Variants in SAMM50 observed in about 807,000 individuals in gnomAD.
SAMM50 encodes the protein sorting and assembly machinery component 50 homolog.
In SAMM50, 47 loss-of-function variants were observed where a neutral mutation model predicts 66.9. That is an observed-to-expected ratio of 0.70 (90% CI 0.56 to 0.90). The LOEUF (loss-of-function observed/expected upper bound fraction) is 0.90. SAMM50 is among the 40% of genes least tolerant of loss of function. The probability of loss-of-function intolerance (pLI) is 0.00; values close to 1 mark genes in which losing one functional copy is unlikely to be tolerated. For missense variants in SAMM50, 535 were observed against 595.3 expected (o/e 0.90, Z 1.05); for synonymous variants, 191 against 214.1 (o/e 0.89, Z 0.94).
At position 43,964,458 on chromosome 22, in the gene SAMM50, G is replaced by T; in HGVS notation, c.139G>T (p.Val47Phe). The T allele has an allele frequency of 6.3e-7, 1 of 1,593,582 alleles. No homozygotes were observed. Among genetic ancestry groups the T allele is most frequent in the South Asian group, 1.1e-5 (1 of 90,610 alleles). The change falls in exon 3 of 15, where the codon GTT becomes TTT. Residue 47 changes from valine (V) to phenylalanine (F), a missense_variant. Val to Phe is a conservative substitution (Grantham distance 50, BLOSUM62 -1). Transcript: ENST00000350028. The stretch of plus-strand genomic sequence containing the variant: ...GTCCCTGTGTGACTTTTAGGTGGTT[G>T]TTCAACATGTTCATTTTGATGGACT... ...QEILENKDVV[V>F]QHVHFDGLGR...
Position 43,963,904 on chromosome 22 carries a change from T to G in SAMM50, c.132+508T>G, listed in dbSNP as rs143813367. On this transcript the variant is annotated intron_variant, in intron 2 of 14. Transcript: ENST00000350028. ...GATGCATACAGTTTTGTTTTGTTTT[T>G]TTTATTTTTAAAATTTTTTTTGAGA... Among the ~76,000 whole-genome samples the G allele has an allele frequency of 5.4e-4, 82 of 151,998 alleles. No homozygotes were observed. In the East Asian group the frequency reaches 0.015, roughly 28 times the overall value.
intron 12 of SAMM50, among the ~76,000 whole-genome samples, chr22:43,985,698 A>G (rs2050288690): frequency 6.6e-6 from 1 of 151,948 alleles, no homozygotes; most frequent in African/African-American, 2.4e-5. Flanking sequence ...TCTGGGACAT[A>G]AGTTGTCACA....
At position 43,983,858 on chromosome 22, in the gene SAMM50, T is replaced by G; in HGVS notation, c.1008-75T>G. 9.7e-7 allele frequency: 1 copy of G among 1,030,644 alleles called. No homozygotes were observed. Among genetic ancestry groups the G allele is most frequent in the Non-Finnish European group, 1.5e-6 (1 of 678,552 alleles). 63.8% of individuals were successfully genotyped at this position (1,030,644 alleles called of 1,614,324 possible). A position where few individuals can be genotyped will look rare whatever the true frequency, so the allele number is the denominator to read the frequency against. On this transcript the variant is annotated intron_variant, in intron 11 of 14. Transcript: ENST00000350028. This position sits in a 1 kb window ranked among gnomAD's most constrained non-coding sequence, Gnocchi z 4.2. Reference sequence around the variant, plus strand: ...TATCGAATGTGAGTCTGACATGTGTTTCCTACGCGTTCCGTGTGTCATGTC... The same window carrying G: ...TATCGAATGTGAGTCTGACATGTGTGTCCTACGCGTTCCGTGTGTCATGTC...
chr22:43,956,827 T>C (rs1417605057), intron 1 of SAMM50, among the ~76,000 whole-genome samples: 1 of 152,158 alleles, frequency 6.6e-6, no homozygotes, highest in Non-Finnish European at 1.5e-5. Context: ...GAATTCGAGA[T>C]CTGAAAAACA....
At chr22:43,975,878 T>A in intron 7 of SAMM50, 177 bp from the exon 8 acceptor site, 1 of 631,222 alleles carries the variant, frequency 1.6e-6, no homozygotes, top group Non-Finnish European at 2.7e-6. Flanking sequence ...CCTTTGTCCT[T>A]CTTCCCTCTG....
chr22:43,976,595 G>GA (rs2146817453), intron 8 of SAMM50, among the ~76,000 whole-genome samples, 155 bp from the exon 9 acceptor site: 1 of 152,354 alleles, frequency 6.6e-6, no homozygotes, highest in South Asian at 2.1e-4. Flanking sequence ...GTAAGATAGG[G>GA]ACAGTCACCC....
chr22:43,994,539 G>T (rs1388723454), intron 14 of SAMM50, among the ~76,000 whole-genome samples: 7 of 152,190 alleles, frequency 4.6e-5, no homozygotes, highest in Admixed American at 4.6e-4. Flanking sequence ...GTGCTTCCTG[G>T]CCTCCAGCCT....
At position 43,982,523 on chromosome 22, in the gene SAMM50, G is replaced by A. The variant is rs1044060166; in HGVS notation, c.1007+1062G>A. Among the ~76,000 whole-genome samples, 3 of 152,286 alleles carry A rather than the reference G, an allele frequency of 2.0e-5. 1 individual carries two copies. Among genetic ancestry groups the A allele is most frequent in the South Asian group, 4.1e-4 (2 of 4,822 alleles). On this transcript the variant is annotated intron_variant, in intron 11 of 14. Transcript: ENST00000350028. ...GGAAGCCAGCCACCAAAACAGTGAC[G>A]GTGGGCACCCCAGAGCCTGGGATGC...
rs117866756 is a variant in SAMM50, at chr22:43,956,261, G to A, written c.21+663G>A. 1.1e-3 allele frequency among the ~76,000 whole-genome samples: 172 copies of A among 152,234 alleles called. 2 individuals are homozygous for A. The East Asian group carries it at 0.024, about 21-fold the overall frequency. On this transcript the variant is annotated intron_variant, in intron 1 of 14. Transcript: ENST00000350028. ...GCCAGATAATGAGTTACTTCTCCAA[G>A]GTCACATAGTTACTGGTTCCAAATG...
In SAMM50 at chr22:43,986,012, T is replaced by TTTTA. The variant is rs10629307; in HGVS notation, c.1075+2028_1075+2031dup. Reference sequence around the variant, plus strand: ...CTGAATGTTGGTACTCATCTGTAAGTTTTATTTATTTATTTATTTTTTCTT... The same window carrying TTTTA: ...CTGAATGTTGGTACTCATCTGTAAGTTTTATTTATTTATTTATTTATTTTTTCTT... On this transcript the variant is annotated intron_variant, in intron 12 of 14. Transcript: ENST00000350028. 7.9e-3 allele frequency among the ~76,000 whole-genome samples: 1,182 copies of TTTTA among 148,896 alleles called. 13 individuals are homozygous for TTTTA. Among genetic ancestry groups the TTTTA allele is most frequent in the African/African-American group, 0.029 (1,126 of 39,090 alleles).
At chr22:43,970,288 G>A (rs1419684399) in intron 4 of SAMM50, among the ~76,000 whole-genome samples, 3 of 151,606 alleles carry the variant, frequency 2.0e-5, no homozygotes, top group Non-Finnish European at 4.4e-5. Context: ...GGGCTAGTGT[G>A]GTTTCCTGAG....
At chr22:43,958,684 G>T (rs992140241) in intron 1 of SAMM50, among the ~76,000 whole-genome samples, 2 of 151,644 alleles carry the variant, frequency 1.3e-5, no homozygotes, top group African/African-American at 4.8e-5. Flanking sequence ...TTGCCATGTT[G>T]GCCAGGATGG....
chr22:43,970,763 A>G (rs1398832473), intron 4 of SAMM50, among the ~76,000 whole-genome samples: 1 of 151,828 alleles, frequency 6.6e-6, no homozygotes, highest in Non-Finnish European at 1.5e-5. Context: ...CCCGCAACCC[A>G]CTGTTGCTGG....
At chr22:43,962,048 A>G (rs9626065) in intron 1 of SAMM50, among the ~76,000 whole-genome samples, 1,542 of 152,120 alleles carry the variant, frequency 0.01, 28 homozygotes, top group African/African-American at 0.035. Flanking sequence ...ATGTTTCTCA[A>G]CTATAACCCA....
intron 11 of SAMM50, 39 bp downstream of exon 11, chr22:43,981,500 T>A: frequency 7.2e-7 from 1 of 1,397,350 alleles, no homozygotes; most frequent in Non-Finnish European, 1.0e-6. Context: ...TGCACATATT[T>A]TCCTTTGGAT....
intron 14 of SAMM50, among the ~76,000 whole-genome samples, 198 bp downstream of exon 14, chr22:43,990,604 C>T (rs956836187): frequency 2.0e-5 from 3 of 152,194 alleles, no homozygotes; most frequent in East Asian, 1.9e-4. Context: ...AGGTGTGAAG[C>T]GTTCCCACCC....
At chr22:43,957,748 A>G (rs2146803220) in intron 1 of SAMM50, among the ~76,000 whole-genome samples, 1 of 149,538 alleles carries the variant, frequency 6.7e-6, no homozygotes, top group South Asian at 2.1e-4. Context: ...TTCTGTCCAG[A>G]TGTCCAGAAT....
chr22:43,964,125 C>G (rs2050161060), intron 2 of SAMM50, among the ~76,000 whole-genome samples: 1 of 152,116 alleles, frequency 6.6e-6, no homozygotes, highest in Non-Finnish European at 1.5e-5. Flanking sequence ...CATTCATTCA[C>G]AGGCCAGTGC....
intron 10 of SAMM50, among the ~76,000 whole-genome samples, chr22:43,981,028 G>A (rs1390670238): frequency 6.6e-6 from 1 of 152,206 alleles, no homozygotes; most frequent in Non-Finnish European, 1.5e-5. Flanking sequence ...CCGCGGCAAA[G>A]AGGCCTGAGC....
Sources: allele counts gnomAD v4.1 joint callset (sites outside exome capture counted in the v4.1 genomes callset), GRCh38; gene constraint gnomAD v4.1.1; non-coding constraint Gnocchi (gnomAD v3.1); transcripts MANE v1.5; gene names NCBI Gene and HGNC (gene_info 2026-07-23, HGNC 2026-07-21).